SIM1: variants seen among roughly 807,000 people sequenced by gnomAD.
SIM1 encodes the protein single-minded homolog 1.
A neutral mutation model predicts 78.2 loss-of-function variants in SIM1; 18 were observed. That is an observed-to-expected ratio of 0.23 (90% confidence interval 0.16 to 0.34). SIM1 has a LOEUF of 0.34. SIM1 is among the 10% of genes least tolerant of loss of function. The pLI, the probability that SIM1 is intolerant of heterozygous loss-of-function variation, is 1.00. For synonymous variants in SIM1, 417 were observed against 385.2 expected, an observed-to-expected ratio of 1.08 and a Z score of -0.97; for missense variants, 939 against 975.1, an observed-to-expected ratio of 0.96 and a Z score of 0.49.
intron 9 of SIM1, among the ~76,000 whole-genome samples, chr6:100,431,932 CCAGGAGTTCAAGAACAGCCTTGA>C (rs1225521459): frequency 2.0e-5 from 3 of 152,072 alleles, no homozygotes; most frequent in African/African-American, 4.8e-5. Flanking sequence ...TTGCTTGAGG[CCAGGAGTTCAAGAACAGCCTTGA>C]CAACATAGCA....
At chr6:100,399,419 G>T (rs990290613) in intron 10 of SIM1, among the ~76,000 whole-genome samples, 11 of 152,042 alleles carry the variant, frequency 7.2e-5, no homozygotes, top group Non-Finnish European at 1.5e-5. Flanking sequence ...ACAAATTAGT[G>T]CTTGCTAGGG....
intron 10 of SIM1, among the ~76,000 whole-genome samples, chr6:100,412,710 A>T (rs1771268120): frequency 7.3e-6 from 1 of 136,248 alleles, no homozygotes; most frequent in African/African-American, 2.9e-5. Context: ...AAAGAAAGAA[A>T]GAAAGAAAGA....
intron 9 of SIM1, among the ~76,000 whole-genome samples, chr6:100,432,655 C>T (rs1351161010): frequency 6.6e-6 from 1 of 152,162 alleles, no homozygotes; most frequent in Non-Finnish European, 1.5e-5. Flanking sequence ...GACCCCAAAA[C>T]ATTGCATAGC....
At chr6:100,396,744 A>T (rs183315027) in intron 10 of SIM1, among the ~76,000 whole-genome samples, 49 of 152,326 alleles carry the variant, frequency 3.2e-4, no homozygotes, top group African/African-American at 1.1e-3. Context: ...ACTGCACTTG[A>T]TGTAAACTCT....
chr6:100,428,444 C>T (rs1282113647), intron 9 of SIM1, among the ~76,000 whole-genome samples: 1 of 152,032 alleles, frequency 6.6e-6, no homozygotes, highest in Non-Finnish European at 1.5e-5. Context: ...AAAGGTTTAA[C>T]CTCATGAGTA....
At chr6:100,402,335 C>T (rs1358877645) in intron 10 of SIM1, among the ~76,000 whole-genome samples, 2 of 151,960 alleles carry the variant, frequency 1.3e-5, no homozygotes, top group African/African-American at 4.8e-5. Context: ...AGAAATCAGG[C>T]CACTAGCCAG....
At chr6:100,409,701 G>T (rs541845186) in intron 10 of SIM1, among the ~76,000 whole-genome samples, 5 of 151,908 alleles carry the variant, frequency 3.3e-5, no homozygotes, top group Non-Finnish European at 7.4e-5. Flanking sequence ...TGCTTTTGCT[G>T]CAACCCAGAC....
chr6:100,422,358 A>G (rs1771615086), intron 9 of SIM1, among the ~76,000 whole-genome samples: 3 of 151,838 alleles, frequency 2.0e-5, no homozygotes, highest in Non-Finnish European at 4.4e-5. Context: ...CAGCCACCAC[A>G]ACACCTGGCT....
At chr6:100,421,067 AG>A in intron 9 of SIM1, 109 bp from the exon 10 acceptor site, 1 of 1,167,882 alleles carries the variant, frequency 8.6e-7, no homozygotes, top group Non-Finnish European at 1.2e-6. Context: ...GGCAAGCAAA[AG>A]TTAGCCCTAT....
intron 11 of SIM1, among the ~76,000 whole-genome samples, chr6:100,392,961 T>C (rs576856361): frequency 6.6e-6 from 1 of 152,312 alleles, no homozygotes; most frequent in South Asian, 2.1e-4. Context: ...ACTCACGGGG[T>C]CATCATTGTG....
intron 2 of SIM1, among the ~76,000 whole-genome samples, chr6:100,457,890 C>T (rs776002655): frequency 6.6e-6 from 1 of 152,232 alleles, no homozygotes; most frequent in African/African-American, 2.4e-5. Flanking sequence ...GTGCCCTGAT[C>T]TCTCCTGCCT....
intron 3 of SIM1, among the ~76,000 whole-genome samples, chr6:100,453,339 C>A (rs1459132061): frequency 2.0e-5 from 3 of 152,186 alleles, no homozygotes; most frequent in African/African-American, 4.8e-5. Flanking sequence ...GGGCTTAAAG[C>A]ACTGACAGGT....
intron 10 of SIM1, among the ~76,000 whole-genome samples, chr6:100,402,720 G>A (rs1411358470): frequency 1.3e-5 from 2 of 151,854 alleles, no homozygotes; most frequent in African/African-American, 4.8e-5. Context: ...TGGGACTACA[G>A]GCGCCCGCCA....
At chr6:100,391,867 T>C (rs899385818) in intron 11 of SIM1, among the ~76,000 whole-genome samples, 5 of 152,086 alleles carry the variant, frequency 3.3e-5, no homozygotes, top group Admixed American at 1.3e-4. Flanking sequence ...CCTTAGATTG[T>C]TTTTGAAGTA....
At chr6:100,402,723 G>A (rs970210418) in intron 10 of SIM1, among the ~76,000 whole-genome samples, 3 of 151,632 alleles carry the variant, frequency 2.0e-5, no homozygotes, top group South Asian at 2.1e-4. Context: ...GACTACAGGC[G>A]CCCGCCACCA....
chr6:100,457,318 C>T (rs1304319178), intron 2 of SIM1, among the ~76,000 whole-genome samples: 2 of 152,174 alleles, frequency 1.3e-5, no homozygotes, highest in African/African-American at 4.8e-5. Flanking sequence ...AATTGAGGTG[C>T]CTTGTAGGCA....
chr6:100,418,585 T>C (rs1771474791), intron 10 of SIM1, among the ~76,000 whole-genome samples: 1 of 152,074 alleles, frequency 6.6e-6, no homozygotes, highest in Non-Finnish European at 1.5e-5. Context: ...TGTTAAGAGC[T>C]GAGTAGGAAA....
chr6:100,402,318 T>A (rs901267887), intron 10 of SIM1, among the ~76,000 whole-genome samples: 2 of 152,074 alleles, frequency 1.3e-5, no homozygotes, highest in Admixed American at 6.5e-5. Flanking sequence ...TATTCCCAAC[T>A]GCAGAAAGAA....
chr6:100,396,497 A>G (rs1582604498), intron 10 of SIM1, among the ~76,000 whole-genome samples: 1 of 152,282 alleles, frequency 6.6e-6, no homozygotes, highest in Non-Finnish European at 1.5e-5. Context: ...GAGCACCCAA[A>G]GAAGAATTTG....
Sources: gnomAD v4.1 joint callset for allele counts (sites outside exome capture counted in the v4.1 genomes callset) on GRCh38, gnomAD v4.1.1 for gene constraint, MANE v1.5 for transcripts, NCBI Gene and HGNC (gene_info 2026-07-23, HGNC 2026-07-21) for gene names.